The following ADRA1B variants were observed in gnomAD, a reference collection of about 807,000 sequenced individuals.
ADRA1B encodes adrenoceptor alpha 1B.
A neutral mutation model predicts 17.9 loss-of-function variants in ADRA1B; 17 were observed. The observed-to-expected ratio is 0.95, with a 90% confidence interval of 0.65 to 1.42. The LOEUF is 1.42. ADRA1B is among the 40% of genes most tolerant of loss of function. ADRA1B has a pLI of 0.00. For missense variants in ADRA1B, 681 were observed against 722.1 expected (o/e 0.94, Z 0.65); for synonymous variants, 366 against 327.6 (o/e 1.12, Z -1.27).
intron 1 of ADRA1B, among the ~76,000 whole-genome samples, chr5:159,938,220 A>G (rs535783723): frequency 1.2e-4 from 19 of 152,346 alleles, no homozygotes; most frequent in African/African-American, 3.6e-4. Context: ...CTCCATCCAG[A>G]ATCCATTCTG....
At chr5:159,918,816 C>T (rs1055596694) in intron 1 of ADRA1B, among the ~76,000 whole-genome samples, 1 of 152,154 alleles carries the variant, frequency 6.6e-6, no homozygotes, top group African/African-American at 2.4e-5. Flanking sequence ...CCTGGGGATC[C>T]CTTGTCCTTC....
chr5:159,965,536 C>G (rs1755759240), intron 1 of ADRA1B, among the ~76,000 whole-genome samples: 1 of 152,230 alleles, frequency 6.6e-6, no homozygotes, highest in Non-Finnish European at 1.5e-5. Flanking sequence ...CGATCCCTGC[C>G]ACACATCCTC....
chr5:159,881,311 C>G (rs867733336), intron 1 of ADRA1B, among the ~76,000 whole-genome samples: 14,827 of 147,444 alleles, frequency 0.1, 1,294 homozygotes, highest in African/African-American at 0.2. Flanking sequence ...CTCTCTCTCT[C>G]TCTCTCTCTC....
intron 1 of ADRA1B, among the ~76,000 whole-genome samples, chr5:159,939,276 AGAGTGTGTGT>A (rs778594451): frequency 1.1e-3 from 81 of 71,908 alleles, no homozygotes; most frequent in Admixed American, 4.5e-3. Context: ...AGAGAGAGAG[AGAGTGTGTGT>A]GTGTGTGTGT....
At chr5:159,918,680 T>C (rs1454280513) in intron 1 of ADRA1B, among the ~76,000 whole-genome samples, 1 of 152,224 alleles carries the variant, frequency 6.6e-6, no homozygotes, top group East Asian at 1.9e-4. Context: ...GTTCGTCTTC[T>C]TTTTGTTTGG....
chr5:159,891,818 G>C (rs1032493412), intron 1 of ADRA1B, among the ~76,000 whole-genome samples: 2 of 152,176 alleles, frequency 1.3e-5, no homozygotes, highest in Non-Finnish European at 2.9e-5. Flanking sequence ...TCTAGGCCCT[G>C]ATTTTGGTAG....
intron 1 of ADRA1B, 103 bp downstream of exon 1, chr5:159,917,957 CTG>C (rs1441004242): frequency 9.9e-7 from 1 of 1,008,480 alleles, no homozygotes; most frequent in East Asian, 2.4e-5. Flanking sequence ...CTTATGCAGT[CTG>C]TGCGTGTTCG....
chr5:159,923,426 G>A (rs1754546676), intron 1 of ADRA1B, among the ~76,000 whole-genome samples: 2 of 152,380 alleles, frequency 1.3e-5, no homozygotes, highest in Middle Eastern at 3.4e-3. Flanking sequence ...TGGAGAAGCA[G>A]ACAGCTTCAA....
chr5:159,979,758 C>A, the ADRA1B span, among the ~76,000 whole-genome samples: 1 of 152,044 alleles, frequency 6.6e-6, no homozygotes, highest in African/African-American at 2.4e-5. Flanking sequence ...AACTCAGCTA[C>A]TCTGGAGGCT....
chr5:159,929,256 T>A (rs1188467180), intron 1 of ADRA1B, among the ~76,000 whole-genome samples: 1 of 152,168 alleles, frequency 6.6e-6, no homozygotes, highest in African/African-American at 2.4e-5. Context: ...GTCAAATAAA[T>A]AACTACTATA....
At chr5:159,911,903 T>C (rs563222153), upstream of ADRA1B, among the ~76,000 whole-genome samples, 1 of 152,310 alleles carries the variant, frequency 6.6e-6, no homozygotes, top group East Asian at 1.9e-4. Context: ...CCTCATTTAC[T>C]GGGTGTTGTG....
intron 1 of ADRA1B, among the ~76,000 whole-genome samples, chr5:159,907,354 A>G (rs955187416): frequency 4.6e-5 from 7 of 152,262 alleles, no homozygotes; most frequent in African/African-American, 1.7e-4. Context: ...ATTTCTGCCT[A>G]CCTGATAAGA....
At chr5:159,953,421 T>G (rs1755485393) in intron 1 of ADRA1B, among the ~76,000 whole-genome samples, 1 of 151,970 alleles carries the variant, frequency 6.6e-6, no homozygotes, top group Admixed American at 6.6e-5. Flanking sequence ...TTCCAAACTA[T>G]CCCCACCACA....
intron 1 of ADRA1B, among the ~76,000 whole-genome samples, chr5:159,896,901 A>G (rs1373668946): frequency 1.3e-5 from 2 of 152,260 alleles, no homozygotes; most frequent in Non-Finnish European, 2.9e-5. Flanking sequence ...TCAGCACATC[A>G]AAACAAGTAA....
At chr5:159,899,436 G>A (rs1007859505) in intron 1 of ADRA1B, among the ~76,000 whole-genome samples, 3 of 152,136 alleles carry the variant, frequency 2.0e-5, no homozygotes, top group Non-Finnish European at 4.4e-5. Flanking sequence ...GACAGCCAAT[G>A]CCTGGAAAAT....
In ADRA1B at chr5:159,919,495, A is replaced by G. The variant is rs542266960; in HGVS notation, c.949+1641A>G. 4.6e-4 allele frequency among the ~76,000 whole-genome samples: 70 copies of G among 152,322 alleles called. 1 individual carries two copies. The highest frequency in any genetic ancestry group is 1.7e-3 in the African/African-American group (69 of 41,576). ...CGTCTACAAAACAGGGCTGATTAATATTTGCTCCATGGAGTTTGCATTAAT... is the reference window on the plus strand; with the variant it reads ...CGTCTACAAAACAGGGCTGATTAATGTTTGCTCCATGGAGTTTGCATTAAT... On this transcript the variant is annotated intron_variant, in intron 1 of 1. Transcript: ENST00000306675.
intron 1 of ADRA1B, among the ~76,000 whole-genome samples, chr5:159,961,162 C>T (rs942671310): frequency 1.3e-5 from 2 of 152,208 alleles, no homozygotes; most frequent in Admixed American, 6.5e-5. Flanking sequence ...AAAACCCACA[C>T]TTCAAAATTG....
At chr5:159,913,753 C>G (rs1029484611), upstream of ADRA1B, among the ~76,000 whole-genome samples, 1 of 152,140 alleles carries the variant, frequency 6.6e-6, no homozygotes, top group Non-Finnish European at 1.5e-5. Context: ...TATGTAGACA[C>G]AGCCTCAGTA....
At chr5:159,951,082 A>T (rs187144977) in intron 1 of ADRA1B, 11 of 731,478 alleles carry the variant, frequency 1.5e-5, no homozygotes, top group African/African-American at 1.7e-5. Context: ...GTCTGTTGTC[A>T]TACTTCTTGT....
Sources: gnomAD v4.1 joint callset for allele counts (sites outside exome capture counted in the v4.1 genomes callset) on GRCh38, gnomAD v4.1.1 for gene constraint, MANE v1.5 for transcripts, NCBI Gene and HGNC (gene_info 2026-07-23, HGNC 2026-07-21) for gene names.